Variants in ARL15 observed in about 807,000 individuals in gnomAD.
The protein encoded by ARL15 is ARF like GTPase 15.
ARL15 carries 19 observed loss-of-function variants against 25.2 expected under a neutral mutation model. The observed-to-expected ratio is 0.75, with a 90% CI of 0.53 to 1.10. The LOEUF (loss-of-function observed/expected upper bound fraction) is 1.10, where lower values mean the gene tolerates loss of function less well. Ranked by LOEUF, ARL15 falls within the 50% of genes least tolerant of loss-of-function variation. The probability of loss-of-function intolerance (pLI) is 0.00; values close to 1 mark genes in which losing one functional copy is unlikely to be tolerated. For synonymous variants in ARL15, 94 were observed against 86.8 expected (o/e 1.08, Z -0.46); for missense variants, 220 against 246.0 (o/e 0.89, Z 0.71).
intron 2 of ARL15, among the ~76,000 whole-genome samples, chr5:54,160,758 T>C (rs1459411056): frequency 6.6e-6 from 1 of 152,140 alleles, no homozygotes; most frequent in Non-Finnish European, 1.5e-5. Context: ...ACCAATAAAG[T>C]TTGAATTCTC....
At chr5:54,054,053 GTTTA>G (rs1692176202) in intron 4 of ARL15, among the ~76,000 whole-genome samples, 1 of 152,052 alleles carries the variant, frequency 6.6e-6, no homozygotes, top group African/African-American at 2.4e-5. Flanking sequence ...CTAAAATAGA[GTTTA>G]TTTAATAATA....
At chr5:54,110,203 T>C (rs1380754546) in intron 4 of ARL15, among the ~76,000 whole-genome samples, 1 of 151,980 alleles carries the variant, frequency 6.6e-6, no homozygotes, top group Non-Finnish European at 1.5e-5. Context: ...ACACTCATAG[T>C]AGGGGAGGGG....
intron 4 of ARL15, among the ~76,000 whole-genome samples, chr5:54,015,024 G>A (rs941655244): frequency 1.8e-4 from 27 of 152,048 alleles, no homozygotes; most frequent in African/African-American, 6.3e-4. Context: ...CAGGCGCGGT[G>A]GCTCACACCT....
intron 4 of ARL15, among the ~76,000 whole-genome samples, chr5:54,001,540 G>A (rs1741224778): frequency 6.6e-6 from 1 of 152,122 alleles, no homozygotes; most frequent in Non-Finnish European, 1.5e-5. Context: ...TTTTAGGCTT[G>A]TAAAGAAACA....
chr5:54,089,228 C>A (rs1398397280), intron 4 of ARL15, among the ~76,000 whole-genome samples: 2 of 152,198 alleles, frequency 1.3e-5, no homozygotes, highest in African/African-American at 2.4e-5. Context: ...TAATTACAAT[C>A]TACCCTTGTG....
At chr5:54,125,713 T>C (rs1219768836) in intron 3 of ARL15, among the ~76,000 whole-genome samples, 3 of 152,240 alleles carry the variant, frequency 2.0e-5, no homozygotes, top group African/African-American at 7.2e-5. Flanking sequence ...GGGTCAAATG[T>C]TAATTCTATG....
Position 54,310,444 on chromosome 5 carries a change from G to A in ARL15, c.36C>T (p.Tyr12=). The A allele has an allele frequency of 6.2e-7, 1 of 1,610,220 alleles. No individual in the cohort carries two copies. Among genetic ancestry groups the A allele is most frequent in the East Asian group, 2.2e-5 (1 of 44,680 alleles). ...GCCCTGCACCTACCAGATAATCCAT[G>A]TACAGAAACGCCTCAGTTATTCGGA... ...SDLRITEAFL[Y]MDYLCFRALC... Residue 12 remains tyrosine (Y), a synonymous_variant, in exon 1 of 5, where the codon TAC becomes TAT. Transcript: ENST00000504924.
At chr5:54,080,177 G>A (rs1417806496) in intron 4 of ARL15, among the ~76,000 whole-genome samples, 2 of 152,152 alleles carry the variant, frequency 1.3e-5, no homozygotes, top group African/African-American at 4.8e-5. Context: ...ACAGGACATA[G>A]GAATTCTAAA....
chr5:54,200,637 G>C (rs776034149), intron 1 of ARL15, among the ~76,000 whole-genome samples: 5 of 152,036 alleles, frequency 3.3e-5, no homozygotes, highest in Non-Finnish European at 7.4e-5. Context: ...ACCCTAAAAG[G>C]GTTACCTGTA....
chr5:54,078,407 C>T (rs1356948209), intron 4 of ARL15, among the ~76,000 whole-genome samples: 1 of 152,172 alleles, frequency 6.6e-6, no homozygotes, highest in African/African-American at 2.4e-5. Flanking sequence ...ACAACACGAA[C>T]GACCACACAC....
At chr5:54,139,719 C>T (rs1246527753) in intron 3 of ARL15, among the ~76,000 whole-genome samples, 1 of 152,018 alleles carries the variant, frequency 6.6e-6, no homozygotes, top group Non-Finnish European at 1.5e-5. Flanking sequence ...GTAGTGTCAG[C>T]TACTTGGAAG....
At chr5:54,277,912 T>C (rs563030352) in intron 1 of ARL15, among the ~76,000 whole-genome samples, 3 of 152,328 alleles carry the variant, frequency 2.0e-5, no homozygotes, top group East Asian at 1.9e-4. Context: ...TACGCAGCTG[T>C]TGGGTACAGA....
intron 4 of ARL15, among the ~76,000 whole-genome samples, chr5:54,044,236 TTTAA>T (rs1750434799): frequency 6.7e-6 from 1 of 148,872 alleles, no homozygotes; most frequent in Non-Finnish European, 1.5e-5. Context: ...CAGGCCATTA[TTTAA>T]TTTTTTTTTT....
rs40211 is a variant in ARL15 at position 53,885,060 on chromosome 5, C to T, written c.*1501G>A. The stretch of plus-strand genomic sequence containing the variant: ...TCATAAGATTAAACCACAAAAACTA[C>T]ATTTAAATGGCATTAAGGGTCTGAA... On this transcript the variant is annotated 3_prime_UTR_variant, in exon 5 of 5. Transcript: ENST00000504924. 134,992 of 152,588 alleles carry T rather than the reference C, an allele frequency of 0.88. 61,433 individuals are homozygous for T. The highest frequency in any genetic ancestry group is 1 in the Non-Finnish European group (67,710 of 68,030). 9.5% of individuals were successfully genotyped at this position (152,588 alleles called of 1,614,324 possible). A position where few individuals can be genotyped will look rare whatever the true frequency, so the allele number is the denominator to read the frequency against.
At chr5:54,205,778 G>T (rs1755850378) in intron 1 of ARL15, among the ~76,000 whole-genome samples, 1 of 152,152 alleles carries the variant, frequency 6.6e-6, no homozygotes, top group Non-Finnish European at 1.5e-5. Flanking sequence ...CTGGTCAAAG[G>T]CACAGTAAGA....
In ARL15 at chr5:53,936,807, G is replaced by A. The variant is rs1002210360; in HGVS notation, c.463-50094C>T. On this transcript the variant is annotated intron_variant, in intron 4 of 4. Coordinates refer to ENST00000504924, the MANE Select transcript of ARL15 (RefSeq NM_019087.3). ...AGTGAGAGTTCCTCTGCTGGGGTTC[G>A]CTAGAGGGAAAAGTTGAGACCAGAA... Among the ~76,000 whole-genome samples, 4 of 152,142 alleles carry A rather than the reference G, an allele frequency of 2.6e-5. No individual in the cohort carries two copies. The South Asian group carries it at 6.2e-4, about 24-fold the overall frequency.
intron 4 of ARL15, among the ~76,000 whole-genome samples, chr5:54,088,259 T>C (rs1752033709): frequency 6.6e-6 from 1 of 152,168 alleles, no homozygotes; most frequent in African/African-American, 2.4e-5. Context: ...TAAATTAAGA[T>C]AAAGGAATGT....
chr5:54,213,559 T>C (rs183133763), intron 1 of ARL15, among the ~76,000 whole-genome samples: 5 of 152,288 alleles, frequency 3.3e-5, no homozygotes, highest in Admixed American at 1.3e-4. Flanking sequence ...ATAACTCTTT[T>C]AGCAGTTTGA....
intron 4 of ARL15, among the ~76,000 whole-genome samples, chr5:53,997,127 G>A (rs1447583948): frequency 6.6e-6 from 1 of 152,114 alleles, no homozygotes; most frequent in Non-Finnish European, 1.5e-5. Context: ...CTGAACCTTG[G>A]AAAACAACTC....
Sources: gnomAD v4.1 joint callset for allele counts (sites outside exome capture counted in the v4.1 genomes callset) on GRCh38, gnomAD v4.1.1 for gene constraint, MANE v1.5 for transcripts, NCBI Gene and HGNC (gene_info 2026-07-23, HGNC 2026-07-21) for gene names.